Variants in PDE1A observed in about 807,000 individuals in gnomAD.
PDE1A encodes dual specificity calcium/calmodulin-dependent 3',5'-cyclic nucleotide phosphodiesterase 1A.
In PDE1A, 35 loss-of-function variants were observed where a neutral mutation model predicts 61.7. The ratio of observed to expected loss-of-function variants is 0.57; its 90% confidence interval spans 0.43 to 0.75. The LOEUF is 0.75. PDE1A is among the 30% of genes least tolerant of loss of function. The pLI is 0.00. For missense variants in PDE1A, 597 were observed against 630.6 expected, an observed-to-expected ratio of 0.95 and a Z score of 0.57; for synonymous variants, 232 against 213.2, an observed-to-expected ratio of 1.09 and a Z score of -0.77.
chr2:182,462,552 G>T (rs1686377750), intron 2 of PDE1A, among the ~76,000 whole-genome samples: 2 of 151,956 alleles, frequency 1.3e-5, no homozygotes, highest in Admixed American at 6.6e-5. Flanking sequence ...GAAAAAAAAG[G>T]AACAGAGCAT....
At chr2:182,646,905 T>A in the PDE1A span, among the ~76,000 whole-genome samples, 1 of 152,174 alleles carries the variant, frequency 6.6e-6, no homozygotes, top group African/African-American at 2.4e-5. Flanking sequence ...GCCATCAGGC[T>A]CTCTGGTAAT....
chr2:182,292,122 T>A (rs1430288353), intron 1 of PDE1A, among the ~76,000 whole-genome samples: 1 of 152,130 alleles, frequency 6.6e-6, no homozygotes, highest in Non-Finnish European at 1.5e-5. Flanking sequence ...TTTTGAAATA[T>A]TCATATAATT....
the PDE1A span, among the ~76,000 whole-genome samples, chr2:182,619,455 T>G: frequency 6.6e-6 from 1 of 151,414 alleles, no homozygotes; most frequent in Non-Finnish European, 1.5e-5. Flanking sequence ...GAGAGGAGAG[T>G]AACATGAGCA....
At chr2:182,243,302 G>T (rs1690698979) in intron 2 of PDE1A, among the ~76,000 whole-genome samples, 2 of 152,088 alleles carry the variant, frequency 1.3e-5, no homozygotes, top group Admixed American at 6.5e-5. Context: ...ATGATATAAG[G>T]TTAATTATGA....
the PDE1A span, among the ~76,000 whole-genome samples, chr2:182,651,776 A>T: frequency 6.6e-6 from 1 of 152,188 alleles, no homozygotes; most frequent in Non-Finnish European, 1.5e-5. Context: ...ACATACACTG[A>T]TTAAAATAAA....
upstream of PDE1A, among the ~76,000 whole-genome samples, chr2:182,431,339 A>AAAAAAAGTT (rs1415571825): frequency 6.6e-6 from 1 of 152,088 alleles, no homozygotes; most frequent in Admixed American, 6.6e-5. Flanking sequence ...TCTTGCTAAA[A>AAAAAAAGTT]CCATGAAGAG....
At chr2:182,704,353 C>T in the PDE1A span, among the ~76,000 whole-genome samples, 1 of 152,078 alleles carries the variant, frequency 6.6e-6, no homozygotes, top group Non-Finnish European at 1.5e-5. Context: ...CTGTGAAATT[C>T]AGAATTCAAG....
At chr2:182,205,840 TG>T in intron 8 of PDE1A, 99 bp downstream of exon 8, 1 of 995,068 alleles carries the variant, frequency 1.0e-6, no homozygotes, top group Non-Finnish European at 1.5e-6. Flanking sequence ...GTTTGTAATT[TG>T]GGGAATGCAT....
intron 2 of PDE1A, among the ~76,000 whole-genome samples, chr2:182,511,828 A>G (rs896602720): frequency 6.6e-6 from 1 of 152,164 alleles, no homozygotes; most frequent in African/African-American, 2.4e-5. Flanking sequence ...ACACTACCAC[A>G]GCTCCTTCAC....
chr2:182,571,085 T>G, the PDE1A span, among the ~76,000 whole-genome samples: 1 of 152,206 alleles, frequency 6.6e-6, no homozygotes, highest in Non-Finnish European at 1.5e-5. Flanking sequence ...GTTTAAATAC[T>G]CATATGAAGA....
chr2:182,455,162 A>G (rs936705747), intron 2 of PDE1A, among the ~76,000 whole-genome samples: 2 of 152,212 alleles, frequency 1.3e-5, no homozygotes, highest in African/African-American at 4.8e-5. Context: ...AAAAATGCTC[A>G]CCATCACTGG....
chr2:182,269,254 C>T (rs1196997492), intron 1 of PDE1A, among the ~76,000 whole-genome samples: 4 of 152,016 alleles, frequency 2.6e-5, no homozygotes, highest in Middle Eastern at 3.4e-3. Context: ...TTTGGGAGGC[C>T]GAAGCGGGTG....
At chr2:182,495,530 T>C (rs1688660542) in intron 2 of PDE1A, among the ~76,000 whole-genome samples, 2 of 152,198 alleles carry the variant, frequency 1.3e-5, no homozygotes, top group African/African-American at 4.8e-5. Context: ...GTTGACCCAA[T>C]CAGTGATTTT....
At chr2:182,342,527 C>CA (rs1698257046) in intron 1 of PDE1A, among the ~76,000 whole-genome samples, 2 of 152,062 alleles carry the variant, frequency 1.3e-5, no homozygotes, top group African/African-American at 4.8e-5. Flanking sequence ...ACTAAAAATA[C>CA]AAAAAATTAG....
intron 7 of PDE1A, among the ~76,000 whole-genome samples, chr2:182,221,613 G>T (rs1176174420): frequency 6.6e-6 from 1 of 151,938 alleles, no homozygotes; most frequent in Non-Finnish European, 1.5e-5. Context: ...CCATTCCAGG[G>T]ACAGACAGAA....
chr2:182,372,182 C>T (rs1449026181), intron 1 of PDE1A, among the ~76,000 whole-genome samples: 1 of 152,118 alleles, frequency 6.6e-6, no homozygotes, highest in Admixed American at 6.5e-5. Context: ...TCCGAAGATA[C>T]AGTAAAACTG....
the PDE1A span, among the ~76,000 whole-genome samples, chr2:182,618,630 C>G: frequency 2.0e-5 from 3 of 152,224 alleles, no homozygotes; most frequent in Admixed American, 6.5e-5. Context: ...ACAGTTTTCT[C>G]TGCATACTGG....
rs11420821 is a variant in PDE1A, at chr2:182,295,057, C to CTTTTTTTTTTTTT, written c.54-30656_54-30644dup. On this transcript the variant is annotated intron_variant, in intron 1 of 13. Coordinates refer to ENST00000351439, the Ensembl canonical transcript of PDE1A. ...ACGACCAATCAAAATAAAAGGTAAT[C>CTTTTTTTTTTTTT]TTTTTTTTTTTTTTTTTTTTTTTTT... 5.2e-3 allele frequency among the ~76,000 whole-genome samples: 311 copies of CTTTTTTTTTTTTT among 59,370 alleles called. 84 individuals are homozygous for CTTTTTTTTTTTTT. The highest frequency in any genetic ancestry group is 7.0e-3 in the Non-Finnish European group (236 of 33,740). The allele number at this position is 59,370 out of a possible 152,430, so 38.9% of individuals were successfully genotyped here.
intron 1 of PDE1A, among the ~76,000 whole-genome samples, chr2:182,312,315 T>C (rs1696034428): frequency 6.6e-6 from 1 of 152,094 alleles, no homozygotes; most frequent in Non-Finnish European, 1.5e-5. Flanking sequence ...ATGAAGTCCA[T>C]CATGTTTTTT....
Sources: gnomAD v4.1 joint callset for allele counts (sites outside exome capture counted in the v4.1 genomes callset) on GRCh38, gnomAD v4.1.1 for gene constraint, MANE v1.5 for transcripts, NCBI Gene and HGNC (gene_info 2026-07-23, HGNC 2026-07-21) for gene names.